The following ZDHHC14 variants were observed in gnomAD, a reference collection of about 807,000 sequenced individuals.
ZDHHC14 encodes palmitoyltransferase ZDHHC14.
A neutral mutation model predicts 47.7 loss-of-function variants in ZDHHC14; 16 were observed. That is an observed-to-expected ratio of 0.34 (90% confidence interval 0.23 to 0.51). ZDHHC14 has a LOEUF of 0.51. ZDHHC14 is among the 20% of genes least tolerant of loss of function. The probability of loss-of-function intolerance (pLI) is 0.97; values close to 1 mark genes in which losing one functional copy is unlikely to be tolerated. For synonymous variants in ZDHHC14, 293 were observed against 278.9 expected (o/e 1.05, Z -0.50); for missense variants, 515 against 662.5 (o/e 0.78, Z 2.44).
intron 1 of ZDHHC14, among the ~76,000 whole-genome samples, chr6:157,527,880 G>A (rs1303145582): frequency 1.3e-5 from 2 of 152,198 alleles, no homozygotes; most frequent in Non-Finnish European, 2.9e-5. Context: ...TAGGGATGTA[G>A]CTGTAGGAGG....
At position 157,511,363 on chromosome 6, in the gene ZDHHC14, G is replaced by T. The variant is rs147206151; in HGVS notation, c.246-31222G>T. Reference sequence around the variant, plus strand: ...AGTGGAGCGTGGAGTGGGGTAAGTGGTGGTGAGAGTGCATGAGGAAACTTT... The same window carrying T: ...AGTGGAGCGTGGAGTGGGGTAAGTGTTGGTGAGAGTGCATGAGGAAACTTT... On this transcript the variant is annotated intron_variant, in intron 1 of 8. Coordinates refer to ENST00000359775, the MANE Select transcript of ZDHHC14 (RefSeq NM_024630.3). 4.5e-3 allele frequency among the ~76,000 whole-genome samples: 683 copies of T among 151,320 alleles called. 1 individual carries two copies. Among genetic ancestry groups the T allele is most frequent in the African/African-American group, 0.016 (660 of 41,064 alleles).
intron 7 of ZDHHC14, among the ~76,000 whole-genome samples, chr6:157,652,905 C>CA (rs1323681187): frequency 6.6e-6 from 1 of 151,982 alleles, no homozygotes; most frequent in East Asian, 1.9e-4. Context: ...GGCTGAGAAT[C>CA]AGAGAAGGGG....
At chr6:157,418,533 C>T (rs1367139628) in intron 1 of ZDHHC14, among the ~76,000 whole-genome samples, 4 of 152,030 alleles carry the variant, frequency 2.6e-5, no homozygotes, top group Admixed American at 2.6e-4. Context: ...GAAGGATGTC[C>T]AAAGCAGTGG....
chr6:157,443,524 G>A (rs1778600196), intron 1 of ZDHHC14, among the ~76,000 whole-genome samples: 1 of 152,138 alleles, frequency 6.6e-6, no homozygotes, highest in Non-Finnish European at 1.5e-5. Context: ...ACCAGATGGT[G>A]GAATTTTAAT....
At chr6:157,507,733 A>G (rs553593983) in intron 1 of ZDHHC14, among the ~76,000 whole-genome samples, 1 of 152,142 alleles carries the variant, frequency 6.6e-6, no homozygotes, top group Non-Finnish European at 1.5e-5. Flanking sequence ...CTGTCGCTCC[A>G]GAGTCTCCCG....
At chr6:157,560,721 T>G (rs1402855956) in intron 2 of ZDHHC14, among the ~76,000 whole-genome samples, 4 of 152,250 alleles carry the variant, frequency 2.6e-5, no homozygotes, top group African/African-American at 9.6e-5. Flanking sequence ...CAGCAAACAT[T>G]TATTAAGCAG....
intron 8 of ZDHHC14, among the ~76,000 whole-genome samples, chr6:157,656,719 C>A (rs75211629): frequency 0.57 from 59,578 of 104,786 alleles, 13,587 homozygotes; most frequent in Non-Finnish European, 0.59. Context: ...AAAAAAAAAA[C>A]AAAAAAAAAA....
chr6:157,403,870 C>T (rs970285404), intron 1 of ZDHHC14, among the ~76,000 whole-genome samples: 1 of 152,346 alleles, frequency 6.6e-6, no homozygotes, highest in East Asian at 1.9e-4. Context: ...GAGGGCAGAC[C>T]CACTGCGGCT....
intron 2 of ZDHHC14, among the ~76,000 whole-genome samples, chr6:157,571,057 T>C (rs1012157924): frequency 6.6e-6 from 1 of 152,252 alleles, no homozygotes; most frequent in African/African-American, 2.4e-5. Flanking sequence ...GGCCATTCTA[T>C]GTTTCCATTT....
At chr6:157,467,360 A>G (rs1046041533) in intron 1 of ZDHHC14, among the ~76,000 whole-genome samples, 12 of 151,826 alleles carry the variant, frequency 7.9e-5, no homozygotes, top group African/African-American at 2.9e-4. Context: ...GGCAACCACT[A>G]ATCTATTTTC....
intron 2 of ZDHHC14, among the ~76,000 whole-genome samples, chr6:157,572,790 G>C (rs151131133): frequency 3.2e-3 from 492 of 151,932 alleles, no homozygotes; most frequent in African/African-American, 0.011. Context: ...AATGCATAAA[G>C]AACCTAGCAC....
intron 2 of ZDHHC14, among the ~76,000 whole-genome samples, chr6:157,590,323 CCA>C (rs1783860102): frequency 6.6e-6 from 1 of 152,196 alleles, no homozygotes; most frequent in Non-Finnish European, 1.5e-5. Context: ...GCAGCCCCTC[CCA>C]TCACAGGCCC....
chr6:157,592,685 A>C, intron 2 of ZDHHC14: 1 of 1,053,680 alleles, frequency 9.5e-7, no homozygotes. Context: ...GCCTACAGGG[A>C]GGGGAGGGGG....
chr6:157,433,460 A>G (rs1252244694), intron 1 of ZDHHC14, among the ~76,000 whole-genome samples: 2 of 152,240 alleles, frequency 1.3e-5, no homozygotes, highest in African/African-American at 4.8e-5. Flanking sequence ...AGTGACCAAG[A>G]TAAAACCAGA....
chr6:157,528,842 C>T (rs1007442843), intron 1 of ZDHHC14, among the ~76,000 whole-genome samples: 1 of 137,252 alleles, frequency 7.3e-6, no homozygotes, highest in Non-Finnish European at 1.5e-5. Context: ...TAGATGAAGA[C>T]TGGGGGTGGG....
In ZDHHC14 at chr6:157,381,967, CCG is replaced by C; in HGVS notation, c.-50_-49del. On this transcript the variant is annotated 5_prime_UTR_variant, in exon 1 of 9. Transcript: ENST00000359775. ...GGCGGCGGTCGTGGCTCGGCGGGGC[CCG>C]CGCGGCCGGGGGGCTCCTGGGGGTG... 9.5e-7 allele frequency: 1 copy of C among 1,051,620 alleles called. No individual in the cohort carries two copies. The highest frequency in any genetic ancestry group is 1.1e-6 in the Non-Finnish European group (1 of 872,388). The allele number at this position is 1,051,620 out of a possible 1,614,324, so 65.1% of individuals were successfully genotyped here. A position where few individuals can be genotyped will look rare whatever the true frequency, so the allele number is the denominator to read the frequency against.
chr6:157,410,033 G>A (rs1221292968), intron 1 of ZDHHC14, among the ~76,000 whole-genome samples: 1 of 152,048 alleles, frequency 6.6e-6, no homozygotes, highest in Non-Finnish European at 1.5e-5. Context: ...GTATCACCAT[G>A]TTGGCCAGGC....
Position 157,427,405 on chromosome 6 carries a change from G to C in ZDHHC14, c.245+45139G>C, listed in dbSNP as rs1192453460. On this transcript the variant is annotated intron_variant, in intron 1 of 8. Coordinates refer to ENST00000359775, the MANE Select transcript of ZDHHC14 (RefSeq NM_024630.3). The surrounding 1 kb of genome is among the most constrained non-coding windows in gnomAD (Gnocchi z 4.4). Reference sequence around the variant, plus strand: ...AGGATGCAGGGCCCCGAGGACTGGAGGGCATTTATGTTTTGGGGAATCTGC... The same window carrying C: ...AGGATGCAGGGCCCCGAGGACTGGACGGCATTTATGTTTTGGGGAATCTGC... Among the ~76,000 whole-genome samples the C allele has an allele frequency of 6.6e-6, 1 of 152,114 alleles. No homozygotes were observed. Among genetic ancestry groups the C allele is most frequent in the Admixed American group, 6.5e-5 (1 of 15,284 alleles).
chr6:157,552,051 G>T (rs1034751822), intron 2 of ZDHHC14, among the ~76,000 whole-genome samples: 2 of 152,038 alleles, frequency 1.3e-5, no homozygotes, highest in Non-Finnish European at 2.9e-5. Flanking sequence ...TTATTTCGAC[G>T]GTTCCACTGC....
Sources: gnomAD v4.1 joint callset for allele counts (sites outside exome capture counted in the v4.1 genomes callset) on GRCh38, gnomAD v4.1.1 for gene constraint, Gnocchi (gnomAD v3.1) non-coding constraint, MANE v1.5 for transcripts, NCBI Gene and HGNC (gene_info 2026-07-23, HGNC 2026-07-21) for gene names.